Variants in TPSD1 observed in about 807,000 individuals in gnomAD.
TPSD1 encodes the protein tryptase delta 1, also known as tryptase delta.
TPSD1 carries 30 observed loss-of-function variants against 25.4 expected under a neutral mutation model. The ratio of observed to expected loss-of-function variants is 1.18; its 90% CI spans 0.88 to 1.60. TPSD1 has a LOEUF of 1.60. Ranked by LOEUF, TPSD1 falls within the 40% of genes most tolerant of loss-of-function variation. The pLI, the probability that TPSD1 is intolerant of heterozygous loss-of-function variation, is 0.00. For synonymous variants in TPSD1, 176 were observed against 149.4 expected (o/e 1.18, Z -1.30); for missense variants, 420 against 324.2 (o/e 1.30, Z -2.27).
At chr16:1,257,366 G>C (rs2030998524) in intron 3 of TPSD1, 3 of 482,536 alleles carry the variant, frequency 6.2e-6, no homozygotes, top group Admixed American at 7.1e-5. Flanking sequence ...TATGTGGAGA[G>C]AGAAATCACA....
Position 1,256,678 on chromosome 16 carries a change from G to T in TPSD1, c.245G>T (p.Cys82Phe). The T allele has an allele frequency of 6.2e-7, 1 of 1,611,544 alleles. No homozygotes were observed. The highest frequency in any genetic ancestry group is 8.5e-7 in the Non-Finnish European group (1 of 1,178,948). Residue 82 changes from cysteine (C) to phenylalanine (F), a missense_variant, in exon 2 of 5, where the codon TGC becomes TTC. By Grantham distance (205) the Cys-to-Phe change is radical. Transcript: ENST00000211076. Reference sequence around the variant, plus strand: ...CAGTGGGTGCTAACCGCGGCGCACTGCGTGGAACCGTGAGTCTCCTGGGGC... The same window carrying T: ...CAGTGGGTGCTAACCGCGGCGCACTTCGTGGAACCGTGAGTCTCCTGGGGC... ...HPQWVLTAAH[C>F]VEPDIKDLAA... is the part of the protein sequence containing the mutation.
chr16:1,257,290 A>C, intron 3 of TPSD1: 1 of 604,878 alleles, frequency 1.7e-6, no homozygotes, highest in Non-Finnish European at 2.9e-6. Flanking sequence ...GTCCCTTAGC[A>C]CCTCCGTGCC....
rs1246945075 is a variant in TPSD1, at chr16:1,258,312, C to T, written c.685-20C>T. On this transcript the variant is annotated intron_variant, in intron 4 of 4. Coordinates refer to ENST00000211076, the MANE Select transcript of TPSD1 (RefSeq NM_012217.3). ...ACCCCCGAAGCCTGGCCAGCGAGCA[C>T]TGACCTCTGACCTTCCCAGGGTGAC... The T allele has an allele frequency of 1.2e-5, 19 of 1,612,966 alleles. No individual in the cohort carries two copies. The highest frequency in any genetic ancestry group is 1.5e-5 in the Non-Finnish European group (18 of 1,179,768).
At chr16:1,257,190 G>A in intron 3 of TPSD1, 128 bp downstream of exon 3, 6 of 1,328,848 alleles carry the variant, frequency 4.5e-6, no homozygotes, top group Non-Finnish European at 6.0e-6. Context: ...AGGATGGATG[G>A]AGCAGGCGGT....
rs372380517 is a variant in TPSD1, at chr16:1,256,529, C to T, written c.96C>T (p.Ala32=). Residue 32 remains alanine (A), a synonymous_variant, in exon 2 of 5, where the codon GCC becomes GCT. Transcript: ENST00000211076. ...PAYVAPAPGQ[A]LQQTGIVGGQ... is the part of the protein sequence containing the mutation. The stretch of plus-strand genomic sequence containing the variant: ...CACCTGCCCCAGCCCCAGGCCAGGC[C>T]CTGCAGCAAACGGGCATTGTTGGGG... 1.2e-6 allele frequency: 2 copies of T among 1,608,998 alleles called. No homozygotes were observed. Among genetic ancestry groups the T allele is most frequent in the Non-Finnish European group, 1.7e-6 (2 of 1,178,818 alleles).
chr16:1,258,247 A>G (rs146352730), intron 4 of TPSD1, 25 bp downstream of exon 4: 745 of 1,611,892 alleles, frequency 4.6e-4, no homozygotes, highest in Admixed American at 1.1e-3. Context: ...CCCCCACCCC[A>G]ATCCCCGGAG....
intron 3 of TPSD1, chr16:1,257,346 A>C (rs2030998147): frequency 1.9e-6 from 1 of 530,092 alleles, no homozygotes. Context: ...TTTGTACGTC[A>C]CGGACTTGCT....
chr16:1,257,999 G>A, intron 3 of TPSD1, 60 bp from the exon 4 acceptor site: 5 of 1,523,838 alleles, frequency 3.3e-6, no homozygotes, highest in Non-Finnish European at 4.4e-6. Flanking sequence ...CTGCCACCAA[G>A]TCCACGAAGC....
chr16:1,256,651 C>T lies in TPSD1; in HGVS notation c.218C>T (p.Pro73Leu), dbSNP rs778707169. The part of the protein sequence containing the change: ...MHFCGGSLIH[P>L]QWVLTAAHCV... ...TTCTGCGGGGGCTCCCTCATCCACCCCCAGTGGGTGCTAACCGCGGCGCAC... is the reference window on the plus strand; with the variant it reads ...TTCTGCGGGGGCTCCCTCATCCACCTCCAGTGGGTGCTAACCGCGGCGCAC... The change falls in exon 2 of 5, where the codon CCC (proline) becomes CTC (leucine). Residue 73 changes from proline to leucine, a missense_variant. Physicochemically the swap from Pro to Leu is moderately conservative, Grantham distance 98 (BLOSUM62 -3). Coordinates refer to ENST00000211076, the MANE Select transcript of TPSD1 (RefSeq NM_012217.3). 5 of 1,612,720 alleles carry T rather than the reference C, an allele frequency of 3.1e-6. No homozygotes were observed. Among genetic ancestry groups the T allele is most frequent in the Non-Finnish European group, 4.2e-6 (5 of 1,179,574 alleles).
In TPSD1 at chr16:1,258,076, T is replaced by C. The variant is rs1375538999; in HGVS notation, c.538T>C (p.Tyr180His). Residue 180 changes from tyrosine (Y) to histidine (H), a missense_variant, in exon 4 of 5, where the codon TAC (tyrosine) becomes CAC (histidine). By Grantham distance (83) the Tyr-to-His change is moderately conservative. Transcript: ENST00000211076. ...GCCCCCAGTGCACCTGCCGCCGCCA[T>C]ACCCGCTGAAGGAGGTGGAAGTCCC... ...VDNNVHLPPP[Y>H]PLKEVEVPVV... 6.3e-7 allele frequency: 1 copy of C among 1,590,814 alleles called. No homozygotes were observed. Among genetic ancestry groups the C allele is most frequent in the South Asian group, 1.1e-5 (1 of 88,006 alleles).
At chr16:1,256,462 G>T in intron 1 of TPSD1, 54 bp from the exon 2 acceptor site, 1 of 1,608,460 alleles carries the variant, frequency 6.2e-7, no homozygotes, top group Non-Finnish European at 8.5e-7. Flanking sequence ...CACAGGGAAG[G>T]GCTGGTCCCA....
In TPSD1 at chr16:1,256,517, CCCAGG is replaced by C; in HGVS notation, c.92_96del (p.Gln31ProfsTer141). The C allele has an allele frequency of 1.2e-6, 2 of 1,608,378 alleles. No homozygotes were observed. The highest frequency in any genetic ancestry group is 1.7e-6 in the Non-Finnish European group (2 of 1,178,326). ...GTCCTGACCTGGCACCTGCCCCAGC[CCCAGG>C]CCAGGCCCTGCAGCAAACGGGCATT... On this transcript the variant is annotated frameshift_variant and splice_region_variant, in exon 2 of 5. Transcript: ENST00000211076. LOFTEE classifies it high-confidence loss of function.
chr16:1,258,054 C>G lies in TPSD1; in HGVS notation c.521-5C>G, dbSNP rs1407455771. 6.4e-6 allele frequency: 10 copies of G among 1,572,836 alleles called. No homozygotes were observed. Among genetic ancestry groups the G allele is most frequent in the Non-Finnish European group, 8.6e-6 (10 of 1,160,068 alleles). ...ACCCGGCTCCACGCCCCCCTCCGCC[C>G]CCAGTGCACCTGCCGCCGCCATACC... On this transcript the variant is annotated splice_region_variant and splice_polypyrimidine_tract_variant and intron_variant, in intron 3 of 4. Coordinates refer to ENST00000211076, the MANE Select transcript of TPSD1 (RefSeq NM_012217.3).
At position 1,256,611 on chromosome 16, in the gene TPSD1, C is replaced by T. The variant is rs1485432086; in HGVS notation, c.178C>T (p.Pro60Ser). ...PWQVSLRVRG[P>S]YWMHFCGGSL... is the part of the protein sequence containing the mutation. ...GCAGGTGAGCCTGAGAGTCCGCGGC[C>T]CATACTGGATGCACTTCTGCGGGGG... The change falls in exon 2 of 5, where the codon CCA (proline) becomes TCA (serine). Residue 60 changes from proline to serine, a missense_variant. By Grantham distance (74) the Pro-to-Ser change is moderately conservative. Transcript: ENST00000211076. The T allele has an allele frequency of 1.9e-6, 3 of 1,613,028 alleles. No individual in the cohort carries two copies. Among genetic ancestry groups the T allele is most frequent in the Non-Finnish European group, 2.5e-6 (3 of 1,179,774 alleles).
rs2031028690 is a variant in TPSD1, at chr16:1,258,561, C to T, written c.*185C>T. The T allele has an allele frequency of 1.2e-5, 18 of 1,565,222 alleles. No homozygotes were observed. The highest frequency in any genetic ancestry group is 1.6e-5 in the Non-Finnish European group (18 of 1,150,814). ...GCCCCTCCTGTCCAAACCACCACTGCTTCCTACCCAGGTGGTGACTGCCCC... is the reference window on the plus strand; with the variant it reads ...GCCCCTCCTGTCCAAACCACCACTGTTTCCTACCCAGGTGGTGACTGCCCC... On this transcript the variant is annotated 3_prime_UTR_variant, in exon 5 of 5. Transcript: ENST00000211076.
In TPSD1 at chr16:1,256,374, C is replaced by G. The variant is rs1374073413; in HGVS notation, c.82+12C>G. 12 of 1,612,620 alleles carry G rather than the reference C, an allele frequency of 7.4e-6. No individual in the cohort carries two copies. The highest frequency in any genetic ancestry group is 1.7e-5 in the Admixed American group (1 of 59,982). ...CTACGTGGCCCCTGGTGAGTCCCAG[C>G]CGGGGTCCACCCTGCCCCTCACCAC... On this transcript the variant is annotated intron_variant, in intron 1 of 4. Transcript: ENST00000211076.
intron 3 of TPSD1, among the ~76,000 whole-genome samples, chr16:1,257,772 G>A (rs2031006535): frequency 6.6e-6 from 1 of 152,196 alleles, no homozygotes; most frequent in Admixed American, 6.5e-5. Flanking sequence ...TGAGCCCAGG[G>A]GGAGACACGG....
In TPSD1 at chr16:1,257,045, G is replaced by C. The variant is rs747128846; in HGVS notation, c.503G>C (p.Gly168Ala). ...ATGCCGTGCTGGGTCACTGGCTGGGGCGACGTGGACAATAATGGTGGGTGT... is the reference window on the plus strand; with the variant it reads ...ATGCCGTGCTGGGTCACTGGCTGGGCCGACGTGGACAATAATGGTGGGTGT... ...PGMPCWVTGW[G>A]DVDNNVHLPP... The change falls in exon 3 of 5, where the codon GGC becomes GCC. Residue 168 changes from glycine to alanine, a missense_variant. Coordinates refer to ENST00000211076, the MANE Select transcript of TPSD1 (RefSeq NM_012217.3). 6.3e-5 allele frequency: 101 copies of C among 1,610,942 alleles called. No homozygotes were observed. The highest frequency in any genetic ancestry group is 8.2e-5 in the Non-Finnish European group (97 of 1,178,966).
chr16:1,258,908 C>T lies in TPSD1; in HGVS notation c.*532C>T, dbSNP rs4984785. ...TGAGCCTCCTCCCCAACCCTGAATC[C>T]GCCCCTCCCGGCCCCTCCGGCCCTC... On this transcript the variant is annotated 3_prime_UTR_variant, in exon 5 of 5. Coordinates refer to ENST00000211076, the MANE Select transcript of TPSD1 (RefSeq NM_012217.3). 32,417 of 126,734 alleles carry T rather than the reference C, an allele frequency of 0.26. 4,787 individuals carry two copies. Among genetic ancestry groups the T allele is most frequent in the Admixed American group, 0.34 (4,064 of 12,032 alleles). The allele number at this position is 126,734 out of a possible 1,614,324, so 7.9% of individuals were successfully genotyped here.
Sources: gnomAD v4.1 joint callset for allele counts (sites outside exome capture counted in the v4.1 genomes callset) on GRCh38, gnomAD v4.1.1 for gene constraint, MANE v1.5 for transcripts, NCBI Gene and HGNC (gene_info 2026-07-23, HGNC 2026-07-21) for gene names.